The following IAH1 variants were observed in gnomAD, a reference collection of about 807,000 sequenced individuals.
IAH1 encodes the protein isoamyl acetate hydrolyzing esterase 1 (putative), also known as isoamyl acetate-hydrolyzing esterase 1 homolog.
A neutral mutation model predicts 26.7 loss-of-function variants in IAH1; 24 were observed. The ratio of observed to expected loss-of-function variants is 0.90; its 90% confidence interval spans 0.65 to 1.26. IAH1 has a LOEUF of 1.26. IAH1 is among the 50% of genes most tolerant of loss of function. The pLI, the probability that IAH1 is intolerant of heterozygous loss-of-function variation, is 0.00. For synonymous variants in IAH1, 140 were observed against 118.5 expected (o/e 1.18, Z -1.18); for missense variants, 300 against 299.9 (o/e 1.00, Z 0.00).
intron 2 of IAH1, among the ~76,000 whole-genome samples, chr2:9,476,260 G>T (rs1350336386): frequency 3.3e-5 from 5 of 152,264 alleles, no homozygotes; most frequent in African/African-American, 1.2e-4. Flanking sequence ...GGTAGACTCA[G>T]ACAAATCAAG....
intron 1 of IAH1, chr2:9,475,645 C>G (rs927965076): frequency 6.2e-5 from 20 of 321,146 alleles, no homozygotes; most frequent in South Asian, 5.7e-4. Flanking sequence ...GGATTATAGA[C>G]GTGCGCCACC....
downstream of IAH1, chr2:9,493,640 C>A (rs1234428296): frequency 1.1e-6 from 1 of 907,240 alleles, no homozygotes. Flanking sequence ...TGAATAGTTC[C>A]ACCTTCTACT....
chr2:9,494,951 T>G, intron 6 of IAH1: 1 of 588,750 alleles, frequency 1.7e-6, no homozygotes, highest in Non-Finnish European at 2.8e-6. Context: ...CTCCTCAGCC[T>G]TCAGTGACAG....
chr2:9,509,048 T>C, the IAH1 span, among the ~76,000 whole-genome samples: 2 of 152,140 alleles, frequency 1.3e-5, no homozygotes, highest in African/African-American at 4.8e-5. Context: ...GGCAGAAATT[T>C]CAGAAAGCAG....
chr2:9,484,672 A>G (rs926589284), intron 5 of IAH1, 122 bp downstream of exon 5: 10 of 647,192 alleles, frequency 1.5e-5, no homozygotes, highest in East Asian at 8.4e-5. Context: ...CCTTTAGCCA[A>G]TGAAAACAAA....
At chr2:9,510,315 T>G in the IAH1 span, among the ~76,000 whole-genome samples, 1 of 152,086 alleles carries the variant, frequency 6.6e-6, no homozygotes. Flanking sequence ...CTCTAGGAGT[T>G]TGAGGCCAGC....
At position 9,476,059 on chromosome 2, in the gene IAH1, C is replaced by T; in HGVS notation, c.134+20C>T. 1 of 1,600,588 alleles carries T rather than the reference C, an allele frequency of 6.2e-7. No homozygotes were observed. Among genetic ancestry groups the T allele is most frequent in the Non-Finnish European group, 8.6e-7 (1 of 1,168,436 alleles). On this transcript the variant is annotated intron_variant, in intron 2 of 5. Coordinates refer to ENST00000497473, the MANE Select transcript of IAH1 (RefSeq NM_001039613.3). ...GGTCAGGTGAGAATGGTTTCCGATA[C>T]TTGAGTTCTTATGGATGGAAAATGT...
chr2:9,492,596 G>C (rs1662249358), downstream of IAH1, among the ~76,000 whole-genome samples: 1 of 152,002 alleles, frequency 6.6e-6, no homozygotes, highest in African/African-American at 2.4e-5. Context: ...CTTCAATAAG[G>C]GCTTTACTCA....
At chr2:9,492,329 T>A (rs769334620), downstream of IAH1, among the ~76,000 whole-genome samples, 2 of 152,062 alleles carry the variant, frequency 1.3e-5, no homozygotes, top group Non-Finnish European at 2.9e-5. Flanking sequence ...GGACCAGGAG[T>A]TCCTTAGTCA....
At chr2:9,509,601 G>C in the IAH1 span, among the ~76,000 whole-genome samples, 2 of 152,150 alleles carry the variant, frequency 1.3e-5, no homozygotes, top group South Asian at 2.1e-4. Flanking sequence ...ATAAAAACGT[G>C]TAAACTGTAC....
the IAH1 span, chr2:9,510,160 T>A: frequency 6.2e-7 from 1 of 1,612,874 alleles, no homozygotes. Context: ...AAAACATTAT[T>A]TCTCAATATC....
In IAH1 at chr2:9,476,039, G is replaced by A. The variant is rs1165698130; in HGVS notation, c.134G>A (p.Arg45Lys). ...GCATCGCTGGCTGACAGGCTGGTCAGGTGAGAATGGTTTCCGATACTTGAG... is the reference window on the plus strand; with the variant it reads ...GCATCGCTGGCTGACAGGCTGGTCAAGTGAGAATGGTTTCCGATACTTGAG... ...WGASLADRLV[R>K]KCDVLNRGFS... Residue 45 changes from arginine to lysine, a missense_variant and splice_region_variant, in exon 2 of 6, where the codon AGA becomes AAA. Physicochemically the swap from Arg to Lys is conservative, Grantham distance 26. Transcript: ENST00000497473. 1.9e-6 allele frequency: 3 copies of A among 1,612,770 alleles called. No individual in the cohort carries two copies. In the Admixed American group the frequency reaches 5.0e-5, roughly 27 times the overall value.
At chr2:9,477,573 C>T (rs925715710) in intron 2 of IAH1, among the ~76,000 whole-genome samples, 4 of 151,992 alleles carry the variant, frequency 2.6e-5, no homozygotes, top group Admixed American at 1.3e-4. Context: ...AACTGGGATT[C>T]TCCTCACTTT....
chr2:9,497,121 T>G, downstream of IAH1: 1 of 1,613,966 alleles, frequency 6.2e-7, no homozygotes, highest in Non-Finnish European at 8.5e-7. Flanking sequence ...CACCATTACA[T>G]GCACAGGACT....
At chr2:9,484,341 T>C in intron 4 of IAH1, 91 bp from the exon 5 acceptor site, 1 of 1,016,368 alleles carries the variant, frequency 9.8e-7, no homozygotes, top group Non-Finnish European at 1.5e-6. Flanking sequence ...TTAATGGCAT[T>C]TTGAAACTGT....
intron 2 of IAH1, among the ~76,000 whole-genome samples, chr2:9,476,384 C>T (rs560373345): frequency 5.6e-4 from 85 of 152,320 alleles, no homozygotes; most frequent in African/African-American, 2.0e-3. Context: ...GCTACTTTGC[C>T]TTTTTTTGAA....
intron 4 of IAH1, among the ~76,000 whole-genome samples, chr2:9,482,552 G>T (rs984788619): frequency 6.6e-6 from 1 of 152,180 alleles, no homozygotes; most frequent in African/African-American, 2.4e-5. Context: ...TACCAGTGGA[G>T]AAATGGAGTC....
intron 1 of IAH1, chr2:9,475,348 C>T: frequency 2.1e-6 from 1 of 474,434 alleles, no homozygotes; most frequent in South Asian, 1.8e-5. Flanking sequence ...ATGGGGCAGT[C>T]AGAGCTGCCG....
the IAH1 span, chr2:9,505,645 C>T: frequency 2.4e-6 from 1 of 413,564 alleles, no homozygotes; most frequent in Non-Finnish European, 4.5e-6. Context: ...GACCAAACAT[C>T]CCAGTCAAAG....
Sources: gnomAD v4.1 joint callset for allele counts (sites outside exome capture counted in the v4.1 genomes callset) on GRCh38, gnomAD v4.1.1 for gene constraint, MANE v1.5 for transcripts, NCBI Gene and HGNC (gene_info 2026-07-23, HGNC 2026-07-21) for gene names.